ZFHX3: variants seen among roughly 807,000 people sequenced by gnomAD.
ZFHX3 encodes the protein zinc finger homeobox protein 3.
In ZFHX3, 42 loss-of-function variants were observed where a neutral mutation model predicts 279.1. The ratio of observed to expected loss-of-function variants is 0.15; its 90% CI spans 0.12 to 0.19. The LOEUF (loss-of-function observed/expected upper bound fraction) is 0.19, where lower values mean the gene tolerates loss of function less well. ZFHX3 is among the 10% of genes least tolerant of loss of function. The probability of loss-of-function intolerance (pLI) is 1.00; values close to 1 mark genes in which losing one functional copy is unlikely to be tolerated. For synonymous variants in ZFHX3, 2,293 were observed against 1,957.8 expected (o/e 1.17, Z -4.52); for missense variants, 4,981 against 4,754.0 (o/e 1.05, Z -1.40).
At chr16:73,204,120 T>C (rs986038014) in intron 5 of ZFHX3, among the ~76,000 whole-genome samples, 1 of 152,048 alleles carries the variant, frequency 6.6e-6, no homozygotes, top group Non-Finnish European at 1.5e-5. Flanking sequence ...TTTTCTCCAC[T>C]GCAGTGGTCC....
In ZFHX3 at chr16:73,570,551, T is replaced by C. The variant is rs577241596; in HGVS notation, c.-1547+109629A>G. Among the ~76,000 whole-genome samples, 104 of 152,340 alleles carry C rather than the reference T, an allele frequency of 6.8e-4. 1 individual carries two copies. Among genetic ancestry groups the C allele is most frequent in the Middle Eastern group, 3.4e-3 (1 of 294 alleles). ...AGGTTTTCCAAAATGGCGACTTTCA[T>C]GATATGGAAGGCATTTGATCTTAAA... On this transcript the variant is annotated intron_variant, in intron 2 of 17. Coordinates refer to the ZFHX3 transcript ENST00000641206.
chr16:73,285,266 A>C (rs2014565477), intron 4 of ZFHX3, among the ~76,000 whole-genome samples: 1 of 152,232 alleles, frequency 6.6e-6, no homozygotes, highest in Non-Finnish European at 1.5e-5. Flanking sequence ...CAGTGCCCAC[A>C]AGGCGATGAG....
intron 2 of ZFHX3, among the ~76,000 whole-genome samples, chr16:72,956,153 T>C (rs970853054): frequency 3.9e-5 from 6 of 152,224 alleles, no homozygotes; most frequent in Non-Finnish European, 8.8e-5. Flanking sequence ...AATGGAATGC[T>C]TTGAAATATA....
At chr16:73,130,577 G>T (rs1966661643) in intron 7 of ZFHX3, among the ~76,000 whole-genome samples, 1 of 152,208 alleles carries the variant, frequency 6.6e-6, no homozygotes, top group Non-Finnish European at 1.5e-5. Context: ...AAAGTGTGGA[G>T]TATATAGGGA....
chr16:73,045,854 A>G (rs1965280698), intron 1 of ZFHX3, among the ~76,000 whole-genome samples: 1 of 151,004 alleles, frequency 6.6e-6, no homozygotes, highest in Admixed American at 6.6e-5. Context: ...TAAAGACAGA[A>G]GGTCTCCAAG....
intron 4 of ZFHX3, among the ~76,000 whole-genome samples, chr16:72,877,908 A>G (rs1430958628): frequency 2.0e-5 from 3 of 152,166 alleles, no homozygotes; most frequent in Admixed American, 1.3e-4. Context: ...CTCACACCTG[A>G]ATTATAGTGG....
At position 72,787,249 on chromosome 16, in the gene ZFHX3, G is replaced by C. The variant is rs923198124; in HGVS notation, c.11027C>G (p.Ala3676Gly). 1 of 1,614,048 alleles carries C rather than the reference G, an allele frequency of 6.2e-7. No individual in the cohort carries two copies. Among genetic ancestry groups the C allele is most frequent in the Middle Eastern group, 1.6e-4 (1 of 6,062 alleles). The change falls in exon 10 of 10, where the codon GCG becomes GGG. Residue 3676 changes from alanine to glycine, a missense_variant. Around this residue, in one of 7 missense-constraint regions of ZFHX3, gnomAD observed 1,034 missense variants for 786.0 expected, o/e 1.32. Transcript: ENST00000268489. ...GTCTTTGGGACCCTCCACCGGGCTC[G>C]CCGGTCCGTCGGACTTTTGGCTGAG... Reference protein sequence around the residue: ...TDLSQKSDGPASPVEGPKDPS... With the variant: ...TDLSQKSDGPGSPVEGPKDPS...
intron 3 of ZFHX3, among the ~76,000 whole-genome samples, chr16:73,360,263 T>C (rs1000314370): frequency 6.6e-6 from 1 of 152,232 alleles, no homozygotes; most frequent in Non-Finnish European, 1.5e-5. Flanking sequence ...CTAATTTAAT[T>C]ATCACAACCA....
intron 4 of ZFHX3, among the ~76,000 whole-genome samples, chr16:72,874,540 G>A (rs375325029): frequency 3.3e-5 from 5 of 151,956 alleles, no homozygotes; most frequent in Admixed American, 1.3e-4. Flanking sequence ...GGCAACAAGC[G>A]CTTGGTGAGA....
At chr16:73,720,339 C>T (rs1309253918) in intron 1 of ZFHX3, among the ~76,000 whole-genome samples, 2 of 152,122 alleles carry the variant, frequency 1.3e-5, no homozygotes, top group Admixed American at 6.5e-5. Context: ...ATAAACATCA[C>T]AAAAATTACC....
At chr16:73,100,513 T>G (rs1966217612) in intron 7 of ZFHX3, among the ~76,000 whole-genome samples, 1 of 151,996 alleles carries the variant, frequency 6.6e-6, no homozygotes, top group Non-Finnish European at 1.5e-5. Context: ...TCACCATACT[T>G]AAATGGAGAC....
chr16:73,648,593 G>A (rs995143926), intron 2 of ZFHX3, among the ~76,000 whole-genome samples: 1 of 151,992 alleles, frequency 6.6e-6, no homozygotes, highest in Admixed American at 6.6e-5. Flanking sequence ...TGTTTTTTTA[G>A]TAGAGACTGG....
chr16:73,430,823 C>A (rs528232097), intron 3 of ZFHX3, among the ~76,000 whole-genome samples: 1 of 152,314 alleles, frequency 6.6e-6, no homozygotes, highest in South Asian at 2.1e-4. Flanking sequence ...TAATCGTTTC[C>A]ATTTCTGTGA....
intron 3 of ZFHX3, among the ~76,000 whole-genome samples, chr16:73,426,805 T>C (rs1217758413): frequency 1.3e-5 from 2 of 152,344 alleles, no homozygotes; most frequent in Non-Finnish European, 2.9e-5. Context: ...TGAAGATTCT[T>C]TTTGCATCCT....
rs1464408368 is a variant in ZFHX3, at chr16:73,004,158, A to C, written c.-50+43594T>G. On this transcript the variant is annotated intron_variant, in intron 1 of 9. Coordinates refer to ENST00000268489, the MANE Select transcript of ZFHX3 (RefSeq NM_006885.4). ...ACAATAATAACTACATAAAAACACG[A>C]CTTTTTTTTTTTTTTTTTTTTTTTT... Among the ~76,000 whole-genome samples the C allele has an allele frequency of 1.6e-4, 8 of 51,316 alleles. 1 individual carries two copies. In the East Asian group the frequency reaches 4.1e-3, roughly 26 times the overall value. The allele number at this position is 51,316 out of a possible 152,430, so 33.7% of individuals were successfully genotyped here.
At chr16:72,919,262 G>A (rs751450611) in intron 3 of ZFHX3, among the ~76,000 whole-genome samples, 3 of 151,658 alleles carry the variant, frequency 2.0e-5, no homozygotes, top group East Asian at 1.9e-4. Context: ...AGGCTCAAGC[G>A]ATTCTCCCAC....
chr16:72,999,574 C>T (rs4556810), intron 1 of ZFHX3, among the ~76,000 whole-genome samples: 24 of 152,118 alleles, frequency 1.6e-4, no homozygotes, highest in East Asian at 7.8e-4. Flanking sequence ...TCACAGCAAC[C>T]GCTAACCAGA....
At chr16:73,425,935 T>C (rs2017802439) in intron 3 of ZFHX3, among the ~76,000 whole-genome samples, 1 of 101,952 alleles carries the variant, frequency 9.8e-6, no homozygotes, top group South Asian at 2.9e-4. Context: ...CCTACTTCCT[T>C]ACCATTAAAA....
intron 5 of ZFHX3, among the ~76,000 whole-genome samples, chr16:73,228,745 G>A (rs769230896): frequency 1.3e-5 from 2 of 152,182 alleles, no homozygotes; most frequent in Non-Finnish European, 2.9e-5. Flanking sequence ...TGTAGATCAT[G>A]GAGAAGTCAG....
Sources: allele counts gnomAD v4.1 joint callset (sites outside exome capture counted in the v4.1 genomes callset), GRCh38; gene constraint gnomAD v4.1.1; regional missense constraint gnomAD v4.1.1; transcripts MANE v1.5; gene names NCBI Gene and HGNC (gene_info 2026-07-23, HGNC 2026-07-21).